PTPRD: variants seen among roughly 807,000 people sequenced by gnomAD.
PTPRD encodes receptor-type tyrosine-protein phosphatase delta.
A neutral mutation model predicts 214.5 loss-of-function variants in PTPRD; 34 were observed. The ratio of observed to expected loss-of-function variants is 0.16; its 90% confidence interval spans 0.12 to 0.21. The LOEUF is 0.21. PTPRD is among the 10% of genes least tolerant of loss of function. The pLI, the probability that PTPRD is intolerant of heterozygous loss-of-function variation, is 1.00. For missense variants in PTPRD, 2,545 were observed against 2,398.7 expected (o/e 1.06, Z -1.27); for synonymous variants, 1,128 against 845.7 (o/e 1.33, Z -5.79).
intron 8 of PTPRD, among the ~76,000 whole-genome samples, chr9:9,478,573 A>T (rs2095231921): frequency 6.6e-6 from 1 of 152,194 alleles, no homozygotes; most frequent in Non-Finnish European, 1.5e-5. Context: ...ATCTTGCCAC[A>T]CATTTAGATC....
chr9:9,888,989 CATTAT>C (rs1400858710), intron 5 of PTPRD, among the ~76,000 whole-genome samples: 9 of 152,156 alleles, frequency 5.9e-5, no homozygotes, highest in Admixed American at 2.6e-4. Context: ...AGTTCTAGGA[CATTAT>C]ATTAAGTGAA....
At chr9:10,594,294 G>A (rs2076157456) in intron 2 of PTPRD, among the ~76,000 whole-genome samples, 1 of 151,844 alleles carries the variant, frequency 6.6e-6, no homozygotes, top group Non-Finnish European at 1.5e-5. Context: ...CAGTAAAACT[G>A]AACTGTATAA....
chr9:10,205,835 A>G (rs1322133), intron 3 of PTPRD, among the ~76,000 whole-genome samples: 62,425 of 152,000 alleles, frequency 0.41, 15,412 homozygotes, highest in African/African-American at 0.7. Context: ...TAACTTTAAA[A>G]ATAGGGTTAA....
rs553852162 is a variant in PTPRD at position 9,230,454 on chromosome 9, G to T, written c.-202-47091C>A. Among the ~76,000 whole-genome samples the T allele has an allele frequency of 4.6e-5, 7 of 152,190 alleles. No homozygotes were observed. In the South Asian group the frequency reaches 1.5e-3, roughly 32 times the overall value. On this transcript the variant is annotated intron_variant, in intron 9 of 45. Coordinates refer to ENST00000381196, the MANE Select transcript of PTPRD (RefSeq NM_002839.4). ...TCCCTGAGATCTGTGAGCCATTTTA[G>T]CACATTATCACACCTGAGAATAGGG...
At chr9:8,733,582 T>C (rs2098684087) in intron 12 of PTPRD, among the ~76,000 whole-genome samples, 198 bp downstream of exon 12, 3 of 152,082 alleles carry the variant, frequency 2.0e-5, no homozygotes, top group Admixed American at 2.0e-4. Context: ...AAAAGGGGCA[T>C]TAAAACGGAG....
rs528508067 is a variant in PTPRD, at chr9:8,453,874, T to C, written c.3876-4037A>G. On this transcript the variant is annotated intron_variant, in intron 33 of 45. Coordinates refer to ENST00000381196, the MANE Select transcript of PTPRD (RefSeq NM_002839.4). ...GGCCACTCAATGGAAACCACTGGAA[T>C]ATGGCATTGGGAGAAAGGTAGGTGA... Among the ~76,000 whole-genome samples the C allele has an allele frequency of 7.2e-5, 11 of 152,278 alleles. No homozygotes were observed. The South Asian group carries it at 1.9e-3, about 26-fold the overall frequency.
chr9:9,760,302 G>A (rs146718884), intron 6 of PTPRD, among the ~76,000 whole-genome samples: 121 of 152,144 alleles, frequency 8.0e-4, no homozygotes, highest in African/African-American at 2.8e-3. Context: ...TGTATGATAA[G>A]TGAGAAAACC....
At chr9:9,646,230 C>A (rs1363545776) in intron 7 of PTPRD, among the ~76,000 whole-genome samples, 1 of 151,204 alleles carries the variant, frequency 6.6e-6, no homozygotes, top group Non-Finnish European at 1.5e-5. Context: ...TGTTATCTTG[C>A]CTCTGCTCTT....
chr9:10,449,628 G>A (rs1258457269), intron 2 of PTPRD, among the ~76,000 whole-genome samples: 1 of 150,684 alleles, frequency 6.6e-6, no homozygotes, highest in Middle Eastern at 3.2e-3. Context: ...CTGAGATGTG[G>A]GGAGCGCCTC....
intron 9 of PTPRD, among the ~76,000 whole-genome samples, chr9:9,210,902 A>G (rs926979300): frequency 4.0e-5 from 6 of 150,836 alleles, no homozygotes; most frequent in Non-Finnish European, 8.9e-5. Flanking sequence ...TTTAAAAATC[A>G]TTTCTTATAG....
At chr9:10,371,176 T>C (rs1166817856) in intron 2 of PTPRD, among the ~76,000 whole-genome samples, 1 of 151,956 alleles carries the variant, frequency 6.6e-6, no homozygotes, top group Non-Finnish European at 1.5e-5. Context: ...TGTAAAATTT[T>C]GAATGTTAGA....
intron 4 of PTPRD, among the ~76,000 whole-genome samples, chr9:9,961,690 C>T (rs2094376610): frequency 6.6e-6 from 1 of 152,106 alleles, no homozygotes; most frequent in South Asian, 2.1e-4. Context: ...AGTGCAATTC[C>T]ATGCCTTCAC....
At chr9:9,425,839 G>T (rs147915797) in intron 8 of PTPRD, among the ~76,000 whole-genome samples, 13 of 152,204 alleles carry the variant, frequency 8.5e-5, no homozygotes, top group Non-Finnish European at 1.6e-4. Flanking sequence ...GATAAAAATA[G>T]TGTTGAGTTG....
At chr9:10,110,280 A>G (rs532236143) in intron 3 of PTPRD, among the ~76,000 whole-genome samples, 1 of 152,162 alleles carries the variant, frequency 6.6e-6, no homozygotes, top group African/African-American at 2.4e-5. Flanking sequence ...TTGGAATTTC[A>G]TTCTCTACCA....
At chr9:8,790,746 T>G (rs2096196770) in intron 11 of PTPRD, among the ~76,000 whole-genome samples, 1 of 150,216 alleles carries the variant, frequency 6.7e-6, no homozygotes, top group Non-Finnish European at 1.5e-5. Flanking sequence ...AATTTGTATA[T>G]TTGCTTAGTA....
intron 4 of PTPRD, among the ~76,000 whole-genome samples, chr9:9,971,809 C>A (rs1415440942): frequency 6.6e-6 from 1 of 151,888 alleles, no homozygotes; most frequent in African/African-American, 2.4e-5. Flanking sequence ...TCTTTGTGTA[C>A]TTAAATTTTA....
chr9:9,683,341 G>A (rs1252076363), intron 7 of PTPRD, among the ~76,000 whole-genome samples: 1 of 151,682 alleles, frequency 6.6e-6, no homozygotes, highest in Non-Finnish European at 1.5e-5. Flanking sequence ...GGAGTCTACT[G>A]GCATCACAGA....
chr9:8,862,834 C>G (rs1435212900), intron 11 of PTPRD, among the ~76,000 whole-genome samples: 4 of 152,098 alleles, frequency 2.6e-5, no homozygotes, highest in Non-Finnish European at 5.9e-5. Flanking sequence ...AAAGCAAACA[C>G]CGCATATTCT....
chr9:10,202,701 C>T (rs2099433355), intron 3 of PTPRD, among the ~76,000 whole-genome samples: 1 of 66,054 alleles, frequency 1.5e-5, no homozygotes, highest in African/African-American at 8.3e-5. Context: ...TATATATATG[C>T]ACCAGTGAAT....
Sources: allele counts gnomAD v4.1 joint callset (sites outside exome capture counted in the v4.1 genomes callset), GRCh38; gene constraint gnomAD v4.1.1; transcripts MANE v1.5; gene names NCBI Gene and HGNC (gene_info 2026-07-23, HGNC 2026-07-21).